The following TSGA10 variants were observed in gnomAD, a reference collection of about 807,000 sequenced individuals.
The protein encoded by TSGA10 is testis specific 10.
Under a neutral mutation model 96.6 loss-of-function variants are expected in TSGA10, and 43 were observed. The observed-to-expected ratio is 0.44, with a 90% confidence interval of 0.35 to 0.57. The LOEUF is 0.57. Ranked by LOEUF, TSGA10 falls within the 20% of genes least tolerant of loss-of-function variation. The probability of loss-of-function intolerance (pLI) is 0.01; values close to 1 mark genes in which losing one functional copy is unlikely to be tolerated. For missense variants in TSGA10, 703 were observed against 834.4 expected (o/e 0.84, Z 1.94); for synonymous variants, 229 against 269.9 (o/e 0.85, Z 1.48).
intron 2 of TSGA10, among the ~76,000 whole-genome samples, chr2:99,124,471 CAA>C (rs1333826411): frequency 1.3e-5 from 2 of 152,158 alleles, no homozygotes; most frequent in Non-Finnish European, 2.9e-5. Context: ...TTAGGAAGTA[CAA>C]AGAGTTCCCA....
intron 13 of TSGA10, among the ~76,000 whole-genome samples, chr2:99,072,083 T>C (rs2086043007): frequency 6.6e-6 from 1 of 152,234 alleles, no homozygotes; most frequent in South Asian, 2.1e-4. Context: ...ATACAAAGTA[T>C]ACATAATAGT....
intron 1 of TSGA10, among the ~76,000 whole-genome samples, chr2:99,149,265 CTTCTCCAGTAAGCCCTGG>C (rs1297535549): frequency 3.3e-5 from 5 of 151,814 alleles, no homozygotes; most frequent in Admixed American, 1.3e-4. Context: ...GTAGATCACT[CTTCTCCAGTAAGCCCTGG>C]GCTTTCTCAA....
intron 4 of TSGA10, among the ~76,000 whole-genome samples, chr2:99,115,464 T>C (rs1234832118): frequency 6.6e-6 from 1 of 152,102 alleles, no homozygotes. Flanking sequence ...TGAAGATAAA[T>C]AATTCAAAAG....
intron 1 of TSGA10, among the ~76,000 whole-genome samples, chr2:99,140,764 C>T (rs1350859632): frequency 1.3e-5 from 2 of 152,144 alleles, no homozygotes; most frequent in African/African-American, 2.4e-5. Context: ...CTCGGCTCCA[C>T]CAGAGCTTCC....
chr2:99,088,892 G>C (rs2088914023), intron 10 of TSGA10, among the ~76,000 whole-genome samples: 1 of 152,174 alleles, frequency 6.6e-6, no homozygotes, highest in Non-Finnish European at 1.5e-5. Context: ...TGGCAGATAG[G>C]AGGCAGGACT....
intron 1 of TSGA10, among the ~76,000 whole-genome samples, chr2:99,128,122 T>G (rs913075799): frequency 6.6e-6 from 1 of 152,208 alleles, no homozygotes; most frequent in African/African-American, 2.4e-5. Context: ...ACACAGCTGC[T>G]GTTCTCCAAA....
chr2:99,022,474 GC>G (rs2080136761), intron 17 of TSGA10, among the ~76,000 whole-genome samples: 1 of 151,904 alleles, frequency 6.6e-6, no homozygotes, highest in Non-Finnish European at 1.5e-5. Flanking sequence ...TTTGTGACTG[GC>G]TTCCTTTATT....
intron 16 of TSGA10, among the ~76,000 whole-genome samples, chr2:99,060,580 A>G (rs575867781): frequency 6.6e-5 from 10 of 152,138 alleles, no homozygotes; most frequent in African/African-American, 2.2e-4. Flanking sequence ...TTTTTTCTGT[A>G]GAAAATGATA....
chr2:99,147,469 T>A, intron 1 of TSGA10: 1 of 1,614,052 alleles, frequency 6.2e-7, no homozygotes, highest in Non-Finnish European at 8.5e-7. Context: ...TCACCCTTCA[T>A]GTCCTCAACT....
intron 1 of TSGA10, among the ~76,000 whole-genome samples, chr2:99,144,874 T>C (rs2105129299): frequency 6.6e-6 from 1 of 152,224 alleles, no homozygotes; most frequent in East Asian, 1.9e-4. Context: ...TAGAATATGC[T>C]TGAGGAACAG....
chr2:99,077,891 C>A (rs765115238), intron 12 of TSGA10, among the ~76,000 whole-genome samples: 6 of 151,736 alleles, frequency 4.0e-5, no homozygotes, highest in Non-Finnish European at 8.8e-5. Context: ...CTTTTTTCAA[C>A]AACAAAAATG....
intron 16 of TSGA10, among the ~76,000 whole-genome samples, chr2:99,058,552 G>A (rs2084263890): frequency 6.6e-6 from 1 of 152,010 alleles, no homozygotes; most frequent in African/African-American, 2.4e-5. Flanking sequence ...TCCTTCTTTG[G>A]AAAGATAAAC....
intron 17 of TSGA10, among the ~76,000 whole-genome samples, chr2:99,021,542 C>A (rs1168115692): frequency 6.6e-6 from 1 of 152,040 alleles, no homozygotes; most frequent in African/African-American, 2.4e-5. Flanking sequence ...ATCAAATAAA[C>A]TAAAACAAGA....
At chr2:99,077,804 C>T (rs1205041162) in intron 12 of TSGA10, among the ~76,000 whole-genome samples, 2 of 151,798 alleles carry the variant, frequency 1.3e-5, no homozygotes, top group African/African-American at 4.8e-5. Flanking sequence ...CCTCATGATC[C>T]GCCCTCCTCG....
At chr2:99,100,858 A>T (rs577620172) in intron 10 of TSGA10, among the ~76,000 whole-genome samples, 15 of 150,500 alleles carry the variant, frequency 1.0e-4, no homozygotes, top group African/African-American at 3.4e-4. Context: ...GGTAAATTAC[A>T]CATATAAATA....
intron 10 of TSGA10, among the ~76,000 whole-genome samples, chr2:99,097,905 T>C (rs916987496): frequency 5.7e-4 from 87 of 152,276 alleles, no homozygotes; most frequent in African/African-American, 2.0e-3. Flanking sequence ...GGTATAGCTA[T>C]GTTAATATCA....
intron 12 of TSGA10, among the ~76,000 whole-genome samples, 184 bp downstream of exon 12, chr2:99,078,475 T>G (rs980314337): frequency 7.9e-5 from 12 of 152,176 alleles, no homozygotes; most frequent in Non-Finnish European, 1.5e-4. Context: ...GCTACTAGAT[T>G]TGTACACATG....
chr2:99,104,613 T>G (rs1421424362), intron 9 of TSGA10, among the ~76,000 whole-genome samples: 1 of 152,118 alleles, frequency 6.6e-6, no homozygotes, highest in Non-Finnish European at 1.5e-5. Context: ...TAGCTGGGAC[T>G]ACAGGCGCAT....
At chr2:99,005,685 A>G (rs1384636664) in intron 20 of TSGA10, among the ~76,000 whole-genome samples, 1 of 152,210 alleles carries the variant, frequency 6.6e-6, no homozygotes, top group Non-Finnish European at 1.5e-5. Flanking sequence ...CATGGGTAGG[A>G]AGAATCAATA....
Sources: allele counts gnomAD v4.1 joint callset (sites outside exome capture counted in the v4.1 genomes callset), GRCh38; gene constraint gnomAD v4.1.1; transcripts MANE v1.5; gene names NCBI Gene and HGNC (gene_info 2026-07-23, HGNC 2026-07-21).